The following WNK1 variants were observed in gnomAD, a reference collection of about 807,000 sequenced individuals.
WNK1 encodes serine/threonine-protein kinase WNK1.
In WNK1, 38 loss-of-function variants were observed where a neutral mutation model predicts 222.8. That is an observed-to-expected ratio of 0.17 (90% CI 0.13 to 0.22). WNK1 has a LOEUF of 0.22. Among genes scored for constraint, WNK1 ranks in the 10% least tolerant of loss-of-function variants. The pLI is 1.00. For synonymous variants in WNK1, 1,090 were observed against 1,092.9 expected, an observed-to-expected ratio of 1.00 and a Z score of 0.05; for missense variants, 2,348 against 2,918.4, an observed-to-expected ratio of 0.80 and a Z score of 4.50.
At chr12:862,808 G>A (rs1396100510) in intron 8 of WNK1, among the ~76,000 whole-genome samples, 2 of 152,158 alleles carry the variant, frequency 1.3e-5, no homozygotes, top group African/African-American at 4.8e-5. Context: ...TTTAAAGTCT[G>A]TGTTGGACAC....
At chr12:835,495 GTATT>G (rs1949111236) in intron 4 of WNK1, among the ~76,000 whole-genome samples, 1 of 152,188 alleles carries the variant, frequency 6.6e-6, no homozygotes, top group Non-Finnish European at 1.5e-5. Context: ...TTTACTTGGT[GTATT>G]TTCTACTGAA....
intron 10 of WNK1, 90 bp downstream of exon 10, chr12:878,451 G>A: frequency 1.4e-6 from 2 of 1,406,006 alleles, no homozygotes; most frequent in South Asian, 2.5e-5. Context: ...CCTTTCATGT[G>A]GATAGACTTC....
chr12:799,096 TTG>T (rs1314709467), intron 1 of WNK1, among the ~76,000 whole-genome samples: 1 of 152,120 alleles, frequency 6.6e-6, no homozygotes, highest in Non-Finnish European at 1.5e-5. Context: ...TGACATTATT[TTG>T]CAAGCTTTCA....
At chr12:900,251 G>C (rs1318922083) in intron 25 of WNK1, among the ~76,000 whole-genome samples, 1 of 152,118 alleles carries the variant, frequency 6.6e-6, no homozygotes, top group African/African-American at 2.4e-5. Flanking sequence ...CTCCCAAAGT[G>C]CTGGGATATT....
At chr12:807,788 C>T (rs1161226439) in intron 1 of WNK1, among the ~76,000 whole-genome samples, 1 of 136,650 alleles carries the variant, frequency 7.3e-6, no homozygotes, top group Admixed American at 8.3e-5. Context: ...GGCGCAATCT[C>T]GGCTCACTGC....
intron 2 of WNK1, among the ~76,000 whole-genome samples, chr12:820,618 G>T (rs932946906): frequency 1.6e-4 from 24 of 151,938 alleles, no homozygotes; most frequent in Non-Finnish European, 3.4e-4. Flanking sequence ...GGGACTCCAG[G>T]TGTGTACCAC....
intron 1 of WNK1, among the ~76,000 whole-genome samples, chr12:788,211 T>A (rs1005873413): frequency 6.6e-6 from 1 of 152,160 alleles, no homozygotes; most frequent in Non-Finnish European, 1.5e-5. Context: ...ACCTAGTTAG[T>A]ATTTGATAGA....
At chr12:815,623 G>C (rs576958506) in intron 2 of WNK1, among the ~76,000 whole-genome samples, 4 of 152,286 alleles carry the variant, frequency 2.6e-5, no homozygotes, top group Non-Finnish European at 4.4e-5. Flanking sequence ...CATTCTACTG[G>C]AAGTGTCTAA....
At chr12:763,009 G>T (rs1941236673) in intron 1 of WNK1, among the ~76,000 whole-genome samples, 1 of 146,500 alleles carries the variant, frequency 6.8e-6, no homozygotes, top group Non-Finnish European at 1.5e-5. Context: ...GCCTCCCAAA[G>T]TGCTGGAATT....
At chr12:773,126 C>T (rs916576951) in intron 1 of WNK1, among the ~76,000 whole-genome samples, 3 of 152,098 alleles carry the variant, frequency 2.0e-5, no homozygotes, top group South Asian at 2.1e-4. Flanking sequence ...GGTGTGGTGA[C>T]GCATGCCTGT....
At chr12:902,571 A>G (rs1955357523) in intron 26 of WNK1, among the ~76,000 whole-genome samples, 1 of 152,234 alleles carries the variant, frequency 6.6e-6, no homozygotes, top group Non-Finnish European at 1.5e-5. Context: ...AGTCTAATAA[A>G]GATCAAAGCC....
rs1431451780 is a variant in WNK1, at chr12:753,464, C to G, written c.-102C>G. The stretch of plus-strand genomic sequence containing the variant: ...GTCGTCCGGGTCGGCGCGAACCCGC[C>G]CGGCCGCGGTTCCCTGCAGACCTCT... On this transcript the variant is annotated 5_prime_UTR_variant, in exon 1 of 28. Coordinates refer to ENST00000315939, the MANE Select transcript of WNK1 (RefSeq NM_018979.4). This position sits in a 1 kb window ranked among gnomAD's most constrained non-coding sequence, Gnocchi z 5.2. 3 of 1,526,344 alleles carry G rather than the reference C, an allele frequency of 2.0e-6. No homozygotes were observed. The African/African-American group carries it at 4.1e-5, about 21-fold the overall frequency. The allele number at this position is 1,526,344 out of a possible 1,614,324, so 94.6% of individuals were successfully genotyped here.
intron 5 of WNK1, 126 bp downstream of exon 5, chr12:857,375 C>G (rs1565528203): frequency 9.9e-6 from 9 of 906,066 alleles, no homozygotes; most frequent in Non-Finnish European, 1.6e-5. Flanking sequence ...GTGCCTGTAA[C>G]ATTTTTAAAG....
At position 909,990 on chromosome 12, in the gene WNK1, G is replaced by A. The variant is rs1955972321; in HGVS notation, c.*1198G>A. The A allele has an allele frequency of 6.6e-6, 1 of 152,210 alleles. No homozygotes were observed. Among genetic ancestry groups the A allele is most frequent in the Non-Finnish European group, 1.5e-5 (1 of 68,060 alleles). The allele number at this position is 152,210 out of a possible 1,614,324, so 9.4% of individuals were successfully genotyped here. ...CAAAATTGGACAACTTAAAAGAATGGTGTGTGCTGGGTGAAAGACAAAGAC... is the reference window on the plus strand; with the variant it reads ...CAAAATTGGACAACTTAAAAGAATGATGTGTGCTGGGTGAAAGACAAAGAC... On this transcript the variant is annotated 3_prime_UTR_variant, in exon 28 of 28. Transcript: ENST00000315939.
intron 1 of WNK1, 82 bp from the exon 2 acceptor site, chr12:813,560 A>G (rs1947091566): frequency 2.1e-6 from 3 of 1,411,380 alleles, no homozygotes; most frequent in Admixed American, 1.9e-5. Context: ...ATGATTTAGT[A>G]ATGTTTAAGT....
At chr12:904,333 C>G (rs1444636240) in intron 26 of WNK1, 3 of 672,248 alleles carry the variant, frequency 4.5e-6, no homozygotes, top group Non-Finnish European at 7.0e-6. Flanking sequence ...CCAGGTCCTA[C>G]CTATCTGTCT....
In WNK1 at chr12:862,441, G is replaced by A. The variant is rs12825084; in HGVS notation, c.2139+171G>A. Among the ~76,000 whole-genome samples, 4,454 of 152,246 alleles carry A rather than the reference G, an allele frequency of 0.029. 119 individuals carry two copies. The highest frequency in any genetic ancestry group is 0.036 in the Non-Finnish European group (2,476 of 68,014). On this transcript the variant is annotated intron_variant, in intron 8 of 27. Transcript: ENST00000315939. ...GTAGGATATAGACATTAATGTGTGG[G>A]CATTAGCTGAACTGCCTACATGAAG...
At chr12:757,351 GA>G (rs372789552) in intron 1 of WNK1, among the ~76,000 whole-genome samples, 4 of 125,720 alleles carry the variant, frequency 3.2e-5, no homozygotes, top group Admixed American at 8.9e-5. Context: ...AAAAGAGACG[GA>G]GTCTTGCTCT....
intron 9 of WNK1, among the ~76,000 whole-genome samples, chr12:877,085 CAG>C (rs1952694927): frequency 1.0e-5 from 1 of 96,246 alleles, no homozygotes; most frequent in African/African-American, 4.2e-5. Flanking sequence ...TTTTTGGAGA[CAG>C]AGTTTCGATC....
Sources: allele counts gnomAD v4.1 joint callset (sites outside exome capture counted in the v4.1 genomes callset), GRCh38; gene constraint gnomAD v4.1.1; non-coding constraint Gnocchi (gnomAD v3.1); transcripts MANE v1.5; gene names NCBI Gene and HGNC (gene_info 2026-07-23, HGNC 2026-07-21).